The following PRDM5 variants were observed in gnomAD, a reference collection of about 807,000 sequenced individuals.
PRDM5 encodes the protein PR domain zinc finger protein 5.
Under a neutral mutation model 81.2 loss-of-function variants are expected in PRDM5, and 56 were observed. The observed-to-expected ratio is 0.69, with a 90% CI of 0.56 to 0.86. The LOEUF is 0.86. Among genes scored for constraint, PRDM5 ranks in the 40% least tolerant of loss-of-function variants. The pLI, the probability that PRDM5 is intolerant of heterozygous loss-of-function variation, is 0.00. For synonymous variants in PRDM5, 267 were observed against 256.4 expected, an observed-to-expected ratio of 1.04 and a Z score of -0.39; for missense variants, 697 against 770.1, an observed-to-expected ratio of 0.91 and a Z score of 1.12.
chr4:120,694,812 T>C lies in PRDM5; in HGVS notation c.*299A>G. The C allele has an allele frequency of 2.6e-6, 1 of 380,356 alleles. No homozygotes were observed. The highest frequency in any genetic ancestry group is 4.9e-6 in the Non-Finnish European group (1 of 202,504). The allele number at this position is 380,356 out of a possible 1,614,324, so 23.6% of individuals were successfully genotyped here. Reference sequence around the variant, plus strand: ...TAGGGAAGTATATTATAAACTTCATTACAGAGGGATGGCCAAGAAAGAGAG... The same window carrying C: ...TAGGGAAGTATATTATAAACTTCATCACAGAGGGATGGCCAAGAAAGAGAG... On this transcript the variant is annotated 3_prime_UTR_variant, in exon 16 of 16. Coordinates refer to ENST00000264808, the MANE Select transcript of PRDM5 (RefSeq NM_018699.4).
intron 2 of PRDM5, among the ~76,000 whole-genome samples, chr4:120,871,630 T>C (rs17051273): frequency 0.21 from 31,585 of 152,144 alleles, 3,588 homozygotes; most frequent in Non-Finnish European, 0.25. Flanking sequence ...GTATCCTCCA[T>C]CGTAAACTTA....
At chr4:120,858,513 T>C (rs1291335822) in intron 2 of PRDM5, among the ~76,000 whole-genome samples, 1 of 152,146 alleles carries the variant, frequency 6.6e-6, no homozygotes, top group Non-Finnish European at 1.5e-5. Context: ...ATTCCCCCAC[T>C]GATTGTTCAA....
chr4:120,835,083 G>T (rs1452448660), intron 3 of PRDM5, among the ~76,000 whole-genome samples: 1 of 152,172 alleles, frequency 6.6e-6, no homozygotes, highest in African/African-American at 2.4e-5. Context: ...TGAAAAAATT[G>T]TTGAGCACTT....
intron 2 of PRDM5, among the ~76,000 whole-genome samples, chr4:120,872,994 T>A (rs1273843650): frequency 6.8e-6 from 1 of 146,144 alleles, no homozygotes; most frequent in African/African-American, 2.5e-5. Context: ...TATGTGTTTT[T>A]ACCATATTTT....
At chr4:120,741,862 C>T (rs1368874991) in intron 14 of PRDM5, among the ~76,000 whole-genome samples, 1 of 152,204 alleles carries the variant, frequency 6.6e-6, no homozygotes, top group Non-Finnish European at 1.5e-5. Flanking sequence ...GGGGTGCCCA[C>T]CATTGCCCAG....
intron 13 of PRDM5, among the ~76,000 whole-genome samples, chr4:120,760,965 G>A (rs1270615815): frequency 1.3e-5 from 2 of 152,178 alleles, no homozygotes; most frequent in Non-Finnish European, 2.9e-5. Context: ...CTGGAGAAGT[G>A]GGCAGGTGAA....
intron 3 of PRDM5, among the ~76,000 whole-genome samples, chr4:120,822,224 G>C (rs1755380665): frequency 6.6e-6 from 1 of 152,182 alleles, no homozygotes; most frequent in African/African-American, 2.4e-5. Context: ...CTGTCCCCAG[G>C]AGAAAGCACC....
intron 5 of PRDM5, among the ~76,000 whole-genome samples, chr4:120,817,364 T>G (rs1051182342): frequency 6.6e-6 from 1 of 152,208 alleles, no homozygotes; most frequent in African/African-American, 2.4e-5. Flanking sequence ...TGTAGCATAT[T>G]TCAGAATTTT....
At chr4:120,891,372 G>A (rs1189965432) in intron 2 of PRDM5, among the ~76,000 whole-genome samples, 1 of 151,882 alleles carries the variant, frequency 6.6e-6, no homozygotes, top group Admixed American at 6.6e-5. Context: ...TGGGGTTGGT[G>A]GTAATGTCTC....
chr4:120,687,638 GTT>G (rs1733885999), downstream of PRDM5, among the ~76,000 whole-genome samples: 1 of 152,020 alleles, frequency 6.6e-6, no homozygotes, highest in Non-Finnish European at 1.5e-5. Flanking sequence ...TAATACTACG[GTT>G]TGAATCTTTG....
At chr4:120,764,795 T>C (rs1052269479) in intron 13 of PRDM5, among the ~76,000 whole-genome samples, 8 of 152,212 alleles carry the variant, frequency 5.3e-5, no homozygotes, top group African/African-American at 1.4e-4. Context: ...TCAATTCTAC[T>C]CAACGTTTCT....
At chr4:120,757,842 C>T (rs548395213) in intron 13 of PRDM5, among the ~76,000 whole-genome samples, 1 of 150,982 alleles carries the variant, frequency 6.6e-6, no homozygotes, top group Admixed American at 6.6e-5. Context: ...TCTTTCTCTC[C>T]TCCTCTTCCT....
At chr4:120,823,982 C>A (rs968936456) in intron 3 of PRDM5, among the ~76,000 whole-genome samples, 63 of 152,314 alleles carry the variant, frequency 4.1e-4, no homozygotes, top group Non-Finnish European at 6.3e-4. Flanking sequence ...CCCTCCTTAT[C>A]CCCTCTTTGA....
chr4:120,899,814 G>A (rs1425381929), intron 2 of PRDM5, among the ~76,000 whole-genome samples: 2 of 152,116 alleles, frequency 1.3e-5, no homozygotes, highest in Non-Finnish European at 2.9e-5. Context: ...GGCAAGTCCA[G>A]GCCTCTGAAA....
intron 2 of PRDM5, among the ~76,000 whole-genome samples, chr4:120,867,821 G>C (rs1021053113): frequency 6.6e-6 from 1 of 152,092 alleles, no homozygotes; most frequent in African/African-American, 2.4e-5. Flanking sequence ...TCACTTCATT[G>C]GCAGCTGTTA....
At chr4:120,838,421 CT>C (rs1282344947) in intron 3 of PRDM5, 2 of 152,172 alleles carry the variant, frequency 1.3e-5, no homozygotes, top group Non-Finnish European at 2.9e-5. Context: ...TGTATCATTT[CT>C]TTGTGTTGGG....
At chr4:120,741,945 C>T (rs1742076329) in intron 14 of PRDM5, among the ~76,000 whole-genome samples, 1 of 152,246 alleles carries the variant, frequency 6.6e-6, no homozygotes, top group Non-Finnish European at 1.5e-5. Flanking sequence ...GGAGGCCTGC[C>T]TGCCTCTGTA....
At chr4:120,707,793 C>G (rs1736418653) in intron 15 of PRDM5, among the ~76,000 whole-genome samples, 1 of 151,850 alleles carries the variant, frequency 6.6e-6, no homozygotes. Flanking sequence ...CTGATAAGAG[C>G]CTAATATCCA....
chr4:120,838,926 ACAGT>A lies in PRDM5; in HGVS notation c.300+14488_300+14491del, dbSNP rs544125132. 1.9e-3 allele frequency: 823 copies of A among 443,030 alleles called. 2 individuals carry two copies. The highest frequency in any genetic ancestry group is 0.015 in the African/African-American group (748 of 51,526). 27.4% of individuals were successfully genotyped at this position (443,030 alleles called of 1,614,324 possible). A position where few individuals can be genotyped will look rare whatever the true frequency, so the allele number is the denominator to read the frequency against. On this transcript the variant is annotated intron_variant, in intron 3 of 15. Transcript: ENST00000264808. ...AGTGAGTGTGGGGTCTGGCCAATGC[ACAGT>A]CAGATATGCCGGCTGCTGCAGAAGG...
Sources: allele counts gnomAD v4.1 joint callset (sites outside exome capture counted in the v4.1 genomes callset), GRCh38; gene constraint gnomAD v4.1.1; transcripts MANE v1.5; gene names NCBI Gene and HGNC (gene_info 2026-07-23, HGNC 2026-07-21).